SGCZ: variants seen among roughly 807,000 people sequenced by gnomAD.
SGCZ encodes the protein sarcoglycan zeta.
In SGCZ, 40 loss-of-function variants were observed where a neutral mutation model predicts 41.3. The ratio of observed to expected loss-of-function variants is 0.97; its 90% CI spans 0.75 to 1.26. The LOEUF (loss-of-function observed/expected upper bound fraction) is 1.26, where lower values mean the gene tolerates loss of function less well. SGCZ is among the 50% of genes most tolerant of loss of function. The pLI is 0.00. For synonymous variants in SGCZ, 206 were observed against 137.5 expected, an observed-to-expected ratio of 1.50 and a Z score of -3.49; for missense variants, 552 against 369.8, an observed-to-expected ratio of 1.49 and a Z score of -4.04.
intron 1 of SGCZ, among the ~76,000 whole-genome samples, chr8:14,906,944 AG>A (rs2130769910): frequency 6.6e-6 from 1 of 152,334 alleles, no homozygotes; most frequent in East Asian, 1.9e-4. Context: ...ACTTTAAAAA[AG>A]GTGATATTTC....
At chr8:15,055,266 T>C (rs945864250) in intron 1 of SGCZ, among the ~76,000 whole-genome samples, 8 of 152,192 alleles carry the variant, frequency 5.3e-5, no homozygotes, top group Non-Finnish European at 8.8e-5. Context: ...ATACCTACCA[T>C]AGATATTATG....
intron 5 of SGCZ, among the ~76,000 whole-genome samples, chr8:14,126,275 A>C (rs1802856919): frequency 6.6e-6 from 1 of 152,112 alleles, no homozygotes; most frequent in Non-Finnish European, 1.5e-5. Context: ...AACTTAAACA[A>C]ATTTATAAGA....
intron 5 of SGCZ, among the ~76,000 whole-genome samples, chr8:14,157,750 GA>G (rs1803920878): frequency 6.6e-6 from 1 of 152,124 alleles, no homozygotes; most frequent in Admixed American, 6.5e-5. Flanking sequence ...AAGAGGGATA[GA>G]AGAAGGTGGG....
At chr8:14,356,935 G>T (rs1040880287) in intron 2 of SGCZ, among the ~76,000 whole-genome samples, 3 of 151,798 alleles carry the variant, frequency 2.0e-5, no homozygotes, top group Non-Finnish European at 4.4e-5. Flanking sequence ...TAAGTATGCC[G>T]ATTAAGAATA....
intron 1 of SGCZ, among the ~76,000 whole-genome samples, chr8:14,673,436 C>A (rs150152790): frequency 6.6e-6 from 1 of 151,994 alleles, no homozygotes; most frequent in Non-Finnish European, 1.5e-5. Flanking sequence ...CTCTCTCTCG[C>A]GCTCGCGCTG....
chr8:14,247,218 C>A (rs1276134610), intron 3 of SGCZ, among the ~76,000 whole-genome samples: 3 of 152,140 alleles, frequency 2.0e-5, no homozygotes, highest in African/African-American at 7.2e-5. Context: ...GTCATGGAGG[C>A]CACTGCTAGG....
chr8:14,604,625 C>T (rs531644496), intron 1 of SGCZ, among the ~76,000 whole-genome samples: 1 of 152,202 alleles, frequency 6.6e-6, no homozygotes, highest in Non-Finnish European at 1.5e-5. Context: ...CAAGATATGA[C>T]TGTCAAAGTA....
chr8:14,296,196 C>G (rs1801006561), intron 3 of SGCZ, among the ~76,000 whole-genome samples: 1 of 152,120 alleles, frequency 6.6e-6, no homozygotes, highest in Non-Finnish European at 1.5e-5. Context: ...CCTGCAAAAA[C>G]CAAAGCCAAC....
chr8:14,770,963 A>T (rs1201687174), intron 1 of SGCZ, among the ~76,000 whole-genome samples: 2 of 152,194 alleles, frequency 1.3e-5, no homozygotes, highest in African/African-American at 4.8e-5. Flanking sequence ...TGAAGTTTCC[A>T]GGAAGAAAAA....
intron 1 of SGCZ, among the ~76,000 whole-genome samples, chr8:14,916,384 A>G (rs1206607958): frequency 6.6e-6 from 1 of 152,194 alleles, no homozygotes; most frequent in East Asian, 1.9e-4. Flanking sequence ...AATATTTACC[A>G]CATATAGACA....
chr8:14,631,251 T>G (rs1417344985), intron 1 of SGCZ, among the ~76,000 whole-genome samples: 2 of 150,990 alleles, frequency 1.3e-5, no homozygotes, highest in Non-Finnish European at 1.5e-5. Context: ...TCGGCTAATG[T>G]AAAGGTAGTG....
intron 1 of SGCZ, among the ~76,000 whole-genome samples, chr8:14,900,221 C>T (rs889683456): frequency 6.6e-6 from 1 of 152,118 alleles, no homozygotes; most frequent in Non-Finnish European, 1.5e-5. Flanking sequence ...AAATAAACAG[C>T]TTACGGTAAT....
At chr8:14,303,230 G>A (rs1455962319) in intron 3 of SGCZ, among the ~76,000 whole-genome samples, 3 of 152,090 alleles carry the variant, frequency 2.0e-5, no homozygotes, top group Non-Finnish European at 2.9e-5. Flanking sequence ...AACAGGCAAA[G>A]CATAATAGGA....
chr8:14,858,288 C>T (rs1803608830), intron 1 of SGCZ, among the ~76,000 whole-genome samples: 1 of 151,936 alleles, frequency 6.6e-6, no homozygotes, highest in Non-Finnish European at 1.5e-5. Context: ...GAACTCATCA[C>T]ATTAACAGAA....
chr8:14,923,582 C>T (rs1471864468), intron 1 of SGCZ, among the ~76,000 whole-genome samples: 6 of 152,078 alleles, frequency 3.9e-5, no homozygotes, highest in Admixed American at 3.9e-4. Context: ...AAAATCACTT[C>T]AAGATTTCTT....
At chr8:14,686,521 G>A (rs1808616369) in intron 1 of SGCZ, among the ~76,000 whole-genome samples, 1 of 152,020 alleles carries the variant, frequency 6.6e-6, no homozygotes, top group African/African-American at 2.4e-5. Flanking sequence ...TGGTCACTAA[G>A]GCATATAGAT....
intron 3 of SGCZ, among the ~76,000 whole-genome samples, chr8:14,313,939 TG>T (rs371589851): frequency 6.6e-6 from 1 of 151,618 alleles, no homozygotes; most frequent in Admixed American, 6.6e-5. Flanking sequence ...TGTGTGTGTG[TG>T]TGTGTGTGTG....
At chr8:14,580,089 G>A (rs1804838102) in intron 1 of SGCZ, among the ~76,000 whole-genome samples, 1 of 152,180 alleles carries the variant, frequency 6.6e-6, no homozygotes, top group Admixed American at 6.5e-5. Context: ...AAGACAGTAT[G>A]AAGGAAAGGT....
intron 1 of SGCZ, among the ~76,000 whole-genome samples, chr8:15,223,357 T>C (rs1253372149): frequency 1.3e-5 from 2 of 152,174 alleles, no homozygotes; most frequent in African/African-American, 4.8e-5. Flanking sequence ...ACTTCAAAAG[T>C]TGGCTTCAGA....
Sources: gnomAD v4.1 joint callset for allele counts (sites outside exome capture counted in the v4.1 genomes callset) on GRCh38, gnomAD v4.1.1 for gene constraint, MANE v1.5 for transcripts, NCBI Gene and HGNC (gene_info 2026-07-23, HGNC 2026-07-21) for gene names.